The following ADAMTSL3 variants were observed in gnomAD, a reference collection of about 807,000 sequenced individuals.
ADAMTSL3 encodes ADAMTS like 3, also known as ADAMTS-like protein 3.
Under a neutral mutation model 201.7 loss-of-function variants are expected in ADAMTSL3, and 128 were observed. That is an observed-to-expected ratio of 0.63 (90% CI 0.55 to 0.73). The LOEUF is 0.73. Among genes scored for constraint, ADAMTSL3 ranks in the 30% least tolerant of loss-of-function variants. The pLI is 0.00. For synonymous variants in ADAMTSL3, 738 were observed against 748.4 expected (o/e 0.99, Z 0.23); for missense variants, 1,990 against 2,119.6 (o/e 0.94, Z 1.20).
chr15:83,869,380 G>A (rs76380397), intron 8 of ADAMTSL3, among the ~76,000 whole-genome samples: 14,474 of 152,074 alleles, frequency 0.095, 1,107 homozygotes, highest in South Asian at 0.33. Flanking sequence ...AATCTATTGC[G>A]GTCATGGAGA....
At chr15:83,969,719 C>T (rs938640687) in intron 19 of ADAMTSL3, among the ~76,000 whole-genome samples, 1 of 152,132 alleles carries the variant, frequency 6.6e-6, no homozygotes, top group African/African-American at 2.4e-5. Context: ...TTTCCCCATA[C>T]TGGGGGAATG....
At chr15:83,786,394 A>T (rs1046088336) in intron 4 of ADAMTSL3, among the ~76,000 whole-genome samples, 11 of 152,224 alleles carry the variant, frequency 7.2e-5, no homozygotes, top group African/African-American at 2.7e-4. Context: ...CATAATAATC[A>T]CAGCAAAGTA....
chr15:83,925,406 G>A (rs2066228056), intron 17 of ADAMTSL3, among the ~76,000 whole-genome samples: 1 of 152,196 alleles, frequency 6.6e-6, no homozygotes, highest in Admixed American at 6.5e-5. Flanking sequence ...TGGTTGAGGT[G>A]ATGCAGTAGA....
Position 83,899,641 on chromosome 15 carries a change from T to A in ADAMTSL3, c.1616-6T>A, listed in dbSNP as rs757049316. 1 of 1,609,624 alleles carries A rather than the reference T, an allele frequency of 6.2e-7. No individual in the cohort carries two copies. The highest frequency in any genetic ancestry group is 8.5e-7 in the Non-Finnish European group (1 of 1,177,316). On this transcript the variant is annotated splice_polypyrimidine_tract_variant and splice_region_variant and intron_variant, in intron 14 of 29. Coordinates refer to ENST00000286744, the MANE Select transcript of ADAMTSL3 (RefSeq NM_207517.3). The stretch of plus-strand genomic sequence containing the variant: ...AGGCTCATTGTTTATGTTCTCTTTT[T>A]CTTAGAAAAAAGTCCAGTGGAAGCA...
At chr15:83,969,495 G>A (rs773135819) in intron 19 of ADAMTSL3, among the ~76,000 whole-genome samples, 12 of 152,114 alleles carry the variant, frequency 7.9e-5, no homozygotes, top group Non-Finnish European at 7.4e-5. Flanking sequence ...CAGATGAATG[G>A]ATAAAGAAAA....
chr15:84,020,170 A>C lies in ADAMTSL3; in HGVS notation c.4274-1240A>C, dbSNP rs150382546. 5.5e-4 allele frequency among the ~76,000 whole-genome samples: 83 copies of C among 152,276 alleles called. 3 individuals carry two copies. The East Asian group carries it at 7.9e-3, about 15-fold the overall frequency. On this transcript the variant is annotated intron_variant, in intron 25 of 29. Transcript: ENST00000286744. ...GTATGAATTATACCTCAATTAAAAA[A>C]ACACACACATTTTAAAAGAAATGCA... is the stretch of plus-strand genomic sequence containing the variant.
rs376337994 is a variant in ADAMTSL3, at chr15:83,763,795, G to A, written c.190-9728G>A. ...GCTGGGATTACAGGCGTGAGCCACC[G>A]CACCCGGCCTAAGAAATAATTCTTT... On this transcript the variant is annotated intron_variant, in intron 3 of 29. Coordinates refer to ENST00000286744, the MANE Select transcript of ADAMTSL3 (RefSeq NM_207517.3). 2.3e-4 allele frequency among the ~76,000 whole-genome samples: 35 copies of A among 152,296 alleles called. No individual in the cohort carries two copies. In the South Asian group the frequency reaches 2.9e-3, roughly 13 times the overall value.
At chr15:83,684,557 A>G (rs1259171881) in intron 2 of ADAMTSL3, among the ~76,000 whole-genome samples, 2 of 152,122 alleles carry the variant, frequency 1.3e-5, no homozygotes, top group African/African-American at 2.4e-5. Context: ...CCTGGGTAAC[A>G]TAGCAAGACC....
intron 3 of ADAMTSL3, among the ~76,000 whole-genome samples, chr15:83,765,609 G>C (rs898612123): frequency 2.6e-5 from 4 of 152,200 alleles, no homozygotes; most frequent in Non-Finnish European, 5.9e-5. Context: ...AAGGCAAGCA[G>C]TACTTGAGTC....
chr15:83,819,332 G>T (rs2063820820), intron 5 of ADAMTSL3, among the ~76,000 whole-genome samples: 1 of 151,850 alleles, frequency 6.6e-6, no homozygotes, highest in Admixed American at 6.6e-5. Context: ...GCAGTTTTGG[G>T]CTAATAATCC....
chr15:83,674,211 A>G (rs924269182), intron 2 of ADAMTSL3, among the ~76,000 whole-genome samples: 2 of 151,618 alleles, frequency 1.3e-5, no homozygotes, highest in East Asian at 3.9e-4. Context: ...TAAATATTTT[A>G]TAGTTTTATA....
At chr15:83,751,490 C>T (rs769667589) in intron 3 of ADAMTSL3, among the ~76,000 whole-genome samples, 11 of 152,056 alleles carry the variant, frequency 7.2e-5, no homozygotes, top group Non-Finnish European at 1.5e-4. Flanking sequence ...CCAAGTAAGT[C>T]AAGCGTAAGA....
intron 5 of ADAMTSL3, among the ~76,000 whole-genome samples, chr15:83,815,820 C>T (rs886803872): frequency 2.0e-5 from 3 of 152,200 alleles, no homozygotes; most frequent in African/African-American, 7.2e-5. Context: ...TAAAAACTTT[C>T]TAGGTCACAG....
intron 20 of ADAMTSL3, among the ~76,000 whole-genome samples, chr15:83,977,840 G>T (rs925140296): frequency 2.0e-5 from 3 of 152,228 alleles, no homozygotes; most frequent in Non-Finnish European, 4.4e-5. Context: ...GCCTCCATGG[G>T]CCTCAGGGGC....
chr15:83,915,375 T>C (rs2066016402), intron 16 of ADAMTSL3, among the ~76,000 whole-genome samples: 1 of 152,198 alleles, frequency 6.6e-6, no homozygotes, highest in Admixed American at 6.6e-5. Flanking sequence ...GAGAGACTGC[T>C]GTCAGAGCTC....
intron 19 of ADAMTSL3, among the ~76,000 whole-genome samples, chr15:83,948,119 C>T (rs541165239): frequency 6.6e-6 from 1 of 152,018 alleles, no homozygotes; most frequent in South Asian, 2.1e-4. Context: ...AAAGAACAAC[C>T]CAAGATATGT....
chr15:83,796,282 CAA>C (rs750626917), intron 4 of ADAMTSL3, among the ~76,000 whole-genome samples: 3 of 152,008 alleles, frequency 2.0e-5, no homozygotes, highest in Admixed American at 6.6e-5. Flanking sequence ...TAGAAAAATC[CAA>C]GAGTACTTGT....
chr15:83,685,136 A>G (rs917721007), intron 2 of ADAMTSL3, among the ~76,000 whole-genome samples: 1 of 152,064 alleles, frequency 6.6e-6, no homozygotes, highest in Non-Finnish European at 1.5e-5. Flanking sequence ...TTGCCTTTCT[A>G]CTTCTGCGAA....
At chr15:83,932,735 A>G (rs2066384579) in intron 17 of ADAMTSL3, among the ~76,000 whole-genome samples, 1 of 152,216 alleles carries the variant, frequency 6.6e-6, no homozygotes, top group African/African-American at 2.4e-5. Flanking sequence ...AAATCCTGCA[A>G]GGAGGAATGT....
Sources: gnomAD v4.1 joint callset for allele counts (sites outside exome capture counted in the v4.1 genomes callset) on GRCh38, gnomAD v4.1.1 for gene constraint, MANE v1.5 for transcripts, NCBI Gene and HGNC (gene_info 2026-07-23, HGNC 2026-07-21) for gene names.